DNAJC24: variants seen among roughly 807,000 people sequenced by gnomAD.
DNAJC24 encodes the protein dnaJ homolog subfamily C member 24.
DNAJC24 carries 17 observed loss-of-function variants against 18.0 expected under a neutral mutation model. The ratio of observed to expected loss-of-function variants is 0.94; its 90% CI spans 0.65 to 1.42. The LOEUF (loss-of-function observed/expected upper bound fraction) is 1.42. DNAJC24 is among the 40% of genes most tolerant of loss of function. DNAJC24 has a pLI of 0.00. For synonymous variants in DNAJC24, 55 were observed against 57.7 expected, an observed-to-expected ratio of 0.95 and a Z score of 0.21; for missense variants, 158 against 175.6, an observed-to-expected ratio of 0.90 and a Z score of 0.57.
rs191708559 is a variant in DNAJC24, at chr11:31,377,009, T to G, written c.111+6150T>G. Among the ~76,000 whole-genome samples, 11 of 152,320 alleles carry G rather than the reference T, an allele frequency of 7.2e-5. No homozygotes were observed. The East Asian group carries it at 2.1e-3, about 29-fold the overall frequency. On this transcript the variant is annotated intron_variant, in intron 2 of 4. Coordinates refer to ENST00000465995, the MANE Select transcript of DNAJC24 (RefSeq NM_181706.5). ...TAAAAACAAAAACAGGCTTTTAAAG[T>G]TCGTATTCTTGTTTCCCAATTAGAA...
In DNAJC24 at chr11:31,430,364, C is replaced by G; in HGVS notation, c.413C>G (p.Thr138Arg). Residue 138 changes from threonine to arginine, a missense_variant, in exon 5 of 5, where the codon ACA becomes AGA. By Grantham distance (71) the Thr-to-Arg change is moderately conservative (BLOSUM62 -1). Coordinates refer to ENST00000465995, the MANE Select transcript of DNAJC24 (RefSeq NM_181706.5). The stretch of plus-strand genomic sequence containing the variant: ...GAAGTTAGCCTGATTTCTTGTGATA[C>G]ATGTTCACTAATTATAGAACTCCTT... ...AEEVSLISCD[T>R]CSLIIELLHY... 1 of 1,608,132 alleles carries G rather than the reference C, an allele frequency of 6.2e-7. No homozygotes were observed. The highest frequency in any genetic ancestry group is 8.5e-7 in the Non-Finnish European group (1 of 1,175,952).
At chr11:31,393,910 AG>A (rs760563033) in intron 2 of DNAJC24, among the ~76,000 whole-genome samples, 12 of 151,970 alleles carry the variant, frequency 7.9e-5, no homozygotes, top group Non-Finnish European at 1.5e-4. Context: ...CAATGATCCT[AG>A]GGGAAATGTA....
intron 2 of DNAJC24, among the ~76,000 whole-genome samples, chr11:31,379,983 T>C (rs1045870169): frequency 6.6e-6 from 1 of 152,130 alleles, no homozygotes; most frequent in Non-Finnish European, 1.5e-5. Flanking sequence ...TTAGCCAAGC[T>C]GGTCTTGACC....
rs183913085 is a variant in DNAJC24, at chr11:31,419,475, G to A, written c.250+4526G>A. The stretch of plus-strand genomic sequence containing the variant: ...TACTTTTACTTGAATGCAAATAACT[G>A]TGCAATGAAAATGTATTTTAGGATC... On this transcript the variant is annotated intron_variant, in intron 3 of 4. Transcript: ENST00000465995. Among the ~76,000 whole-genome samples, 168 of 152,060 alleles carry A rather than the reference G, an allele frequency of 1.1e-3. 1 individual carries two copies. Among genetic ancestry groups the A allele is most frequent in the Admixed American group, 4.9e-3 (75 of 15,238 alleles).
chr11:31,374,208 A>G, intron 2 of DNAJC24: 1 of 344,744 alleles, frequency 2.9e-6, no homozygotes, highest in South Asian at 2.3e-5. Flanking sequence ...TTTTACCAGT[A>G]AGTATGCTGT....
chr11:31,415,575 T>G (rs891337897), intron 3 of DNAJC24: 1 of 152,260 alleles, frequency 6.6e-6, no homozygotes, highest in Non-Finnish European at 1.5e-5. Flanking sequence ...TTGTCACACA[T>G]GGACTGCAGT....
Position 31,432,388 on chromosome 11 carries a change from A to T in DNAJC24, c.*1987A>T, listed in dbSNP as rs535906988. The T allele has an allele frequency of 1.3e-4, 92 of 689,804 alleles. 1 individual carries two copies. The highest frequency in any genetic ancestry group is 8.3e-4 in the Middle Eastern group (2 of 2,408). The allele number at this position is 689,804 out of a possible 1,614,324, so 42.7% of individuals were successfully genotyped here. The stretch of plus-strand genomic sequence containing the variant: ...AATATTCTTTACATTTAACAATTAA[A>T]AACAACTAAAACTGAATAGCAAATA... On this transcript the variant is annotated 3_prime_UTR_variant, in exon 5 of 5. Coordinates refer to ENST00000465995, the MANE Select transcript of DNAJC24 (RefSeq NM_181706.5).
intron 2 of DNAJC24, among the ~76,000 whole-genome samples, chr11:31,381,938 T>A (rs1292110375): frequency 2.0e-5 from 3 of 152,156 alleles, no homozygotes; most frequent in African/African-American, 7.2e-5. Flanking sequence ...CCAGAATATT[T>A]TTTTGAGAAT....
At chr11:31,393,512 G>T (rs948002867) in intron 2 of DNAJC24, among the ~76,000 whole-genome samples, 1 of 152,108 alleles carries the variant, frequency 6.6e-6, no homozygotes, top group African/African-American at 2.4e-5. Flanking sequence ...ACCCTCATGG[G>T]TAGGATTGGG....
At chr11:31,405,718 G>A (rs1952651208) in intron 2 of DNAJC24, among the ~76,000 whole-genome samples, 1 of 152,054 alleles carries the variant, frequency 6.6e-6, no homozygotes, top group Admixed American at 6.5e-5. Flanking sequence ...GCATCCCAAA[G>A]TGCTGGGATT....
intron 2 of DNAJC24, among the ~76,000 whole-genome samples, chr11:31,390,276 A>G (rs538751173): frequency 1.3e-5 from 2 of 151,824 alleles, no homozygotes; most frequent in East Asian, 3.9e-4. Flanking sequence ...TGCACCTGTA[A>G]TCTCAGCTAG....
chr11:31,413,063 AT>A (rs916798871), intron 2 of DNAJC24, among the ~76,000 whole-genome samples: 3 of 151,850 alleles, frequency 2.0e-5, no homozygotes, highest in Non-Finnish European at 4.4e-5. Context: ...GGTACTTGCA[AT>A]TTTTTTTGTG....
chr11:31,388,085 TAAAA>T (rs1032293181), intron 2 of DNAJC24, among the ~76,000 whole-genome samples: 32 of 149,074 alleles, frequency 2.1e-4, no homozygotes, highest in East Asian at 1.0e-3. Flanking sequence ...GAAAAAAAAA[TAAAA>T]AAAGAAGGAA....
rs557446367 is a variant in DNAJC24 at position 31,430,335 on chromosome 11, G to A, written c.384G>A (p.Ala128=). The part of the protein sequence containing the change: ...GGKYSVSKDE[A]EEVSLISCDT... Reference sequence around the variant, plus strand: ...AATACAGTGTTTCCAAGGATGAAGCGGAAGAAGTTAGCCTGATTTCTTGTG... The same window carrying A: ...AATACAGTGTTTCCAAGGATGAAGCAGAAGAAGTTAGCCTGATTTCTTGTG... Residue 128 remains alanine (A), a synonymous_variant, in exon 5 of 5, where the codon GCG becomes GCA. Coordinates refer to ENST00000465995, the MANE Select transcript of DNAJC24 (RefSeq NM_181706.5). 1.1e-5 allele frequency: 17 copies of A among 1,611,130 alleles called. No individual in the cohort carries two copies. Among genetic ancestry groups the A allele is most frequent in the African/African-American group, 2.7e-5 (2 of 74,842 alleles).
chr11:31,422,926 G>A (rs1445501020), intron 3 of DNAJC24, among the ~76,000 whole-genome samples: 1 of 152,080 alleles, frequency 6.6e-6, no homozygotes, highest in Non-Finnish European at 1.5e-5. Flanking sequence ...ACCCCCCACT[G>A]CCCACATTTA....
At chr11:31,406,608 A>G (rs1952660373) in intron 2 of DNAJC24, among the ~76,000 whole-genome samples, 1 of 152,184 alleles carries the variant, frequency 6.6e-6, no homozygotes, top group Non-Finnish European at 1.5e-5. Flanking sequence ...TTTCACTGTA[A>G]TTCACTATGC....
intron 2 of DNAJC24, among the ~76,000 whole-genome samples, chr11:31,406,239 A>G (rs1295709408): frequency 4.6e-5 from 7 of 152,288 alleles, no homozygotes; most frequent in South Asian, 2.1e-4. Flanking sequence ...CATAGTTTCA[A>G]TGTAATAGAA....
At chr11:31,426,458 G>A (rs1591923944) in intron 4 of DNAJC24, 103 bp downstream of exon 4, 1 of 660,786 alleles carries the variant, frequency 1.5e-6, no homozygotes, top group South Asian at 2.1e-5. Flanking sequence ...AGAAATAATA[G>A]TGTGGCTTTC....
At chr11:31,395,185 A>G (rs531105524) in intron 2 of DNAJC24, among the ~76,000 whole-genome samples, 59 of 152,312 alleles carry the variant, frequency 3.9e-4, no homozygotes, top group African/African-American at 1.4e-3. Context: ...CTCCATCTCC[A>G]TTCATGTTGC....
Sources: gnomAD v4.1 joint callset for allele counts (sites outside exome capture counted in the v4.1 genomes callset) on GRCh38, gnomAD v4.1.1 for gene constraint, MANE v1.5 for transcripts, NCBI Gene and HGNC (gene_info 2026-07-23, HGNC 2026-07-21) for gene names.